Variants in EXOC4 observed in about 807,000 individuals in gnomAD.
EXOC4 encodes the protein exocyst complex component 4, also known as SEC8-like 1.
A neutral mutation model predicts 107.2 loss-of-function variants in EXOC4; 71 were observed. That is an observed-to-expected ratio of 0.66 (90% CI 0.55 to 0.81). The LOEUF is 0.81. Ranked by LOEUF, EXOC4 falls within the 30% of genes least tolerant of loss-of-function variation. The pLI, the probability that EXOC4 is intolerant of heterozygous loss-of-function variation, is 0.00. For synonymous variants in EXOC4, 456 were observed against 441.2 expected (o/e 1.03, Z -0.42); for missense variants, 1,108 against 1,189.6 (o/e 0.93, Z 1.01).
At chr7:134,095,246 G>A in the EXOC4 span, among the ~76,000 whole-genome samples, 5 of 151,782 alleles carry the variant, frequency 3.3e-5, no homozygotes, top group Non-Finnish European at 2.9e-5. Flanking sequence ...AAAAATCCTA[G>A]GAATACGTAT....
intron 10 of EXOC4, among the ~76,000 whole-genome samples, chr7:133,683,534 TA>T (rs1794231611): frequency 6.6e-6 from 1 of 152,138 alleles, no homozygotes; most frequent in Non-Finnish European, 1.5e-5. Context: ...CAAATGAAAA[TA>T]TACTGTGATA....
Position 133,903,511 on chromosome 7 carries a change from G to A in EXOC4, c.1871+7776G>A, listed in dbSNP as rs147774388. 4.6e-3 allele frequency among the ~76,000 whole-genome samples: 700 copies of A among 152,278 alleles called. 2 individuals are homozygous for A. The highest frequency in any genetic ancestry group is 7.5e-3 in the Non-Finnish European group (507 of 68,032). On this transcript the variant is annotated intron_variant, in intron 12 of 17. Coordinates refer to ENST00000253861, the MANE Select transcript of EXOC4 (RefSeq NM_021807.4). Reference sequence around the variant, plus strand: ...AAGATAGGGTGTGAGAGAAAGAAAGGTGTCAAAAATAACTCTCAGGATTTT... The same window carrying A: ...AAGATAGGGTGTGAGAGAAAGAAAGATGTCAAAAATAACTCTCAGGATTTT...
the EXOC4 span, among the ~76,000 whole-genome samples, chr7:134,099,617 C>T: frequency 3.3e-5 from 5 of 150,812 alleles, no homozygotes; most frequent in South Asian, 1.1e-3. Flanking sequence ...GCAGGCTCCG[C>T]CCCCCGGGGT....
intron 9 of EXOC4, among the ~76,000 whole-genome samples, chr7:133,585,432 G>C (rs776429711): frequency 1.8e-4 from 27 of 152,074 alleles, no homozygotes; most frequent in African/African-American, 6.0e-4. Flanking sequence ...ATTACTCTGG[G>C]CAGTGGTGAT....
At chr7:133,621,831 GC>G (rs1383507310) in intron 9 of EXOC4, among the ~76,000 whole-genome samples, 5 of 152,206 alleles carry the variant, frequency 3.3e-5, no homozygotes, top group Non-Finnish European at 7.3e-5. Context: ...TCAAACCATA[GC>G]TTTTTTCTGT....
At chr7:133,529,100 C>G (rs945555213) in intron 9 of EXOC4, among the ~76,000 whole-genome samples, 1 of 152,122 alleles carries the variant, frequency 6.6e-6, no homozygotes, top group Non-Finnish European at 1.5e-5. Flanking sequence ...TCGTTACCAC[C>G]TAGTGTTCTC....
intron 11 of EXOC4, among the ~76,000 whole-genome samples, chr7:133,873,114 G>A (rs1273038854): frequency 6.6e-6 from 1 of 152,206 alleles, no homozygotes; most frequent in Non-Finnish European, 1.5e-5. Flanking sequence ...TTTGAGATCA[G>A]CCTGGGCAAC....
intron 5 of EXOC4, among the ~76,000 whole-genome samples, chr7:133,340,374 T>C (rs1272290214): frequency 6.6e-6 from 1 of 152,138 alleles, no homozygotes; most frequent in Non-Finnish European, 1.5e-5. Flanking sequence ...TTGATCACGC[T>C]GGATTATCTT....
chr7:133,517,977 T>C (rs1382652412), intron 9 of EXOC4, among the ~76,000 whole-genome samples: 1 of 151,914 alleles, frequency 6.6e-6, no homozygotes, highest in Non-Finnish European at 1.5e-5. Flanking sequence ...GTAGTTCTTA[T>C]GATTTGGACT....
At chr7:133,630,770 A>C in intron 10 of EXOC4, among the ~76,000 whole-genome samples, 1 of 152,326 alleles carries the variant, frequency 6.6e-6, no homozygotes, top group Middle Eastern at 3.4e-3. Context: ...GTTTTTATAT[A>C]TTGAATGATA....
intron 14 of EXOC4, among the ~76,000 whole-genome samples, chr7:133,964,406 G>A (rs147860004): frequency 0.012 from 1,808 of 152,014 alleles, 48 homozygotes; most frequent in African/African-American, 0.041. Context: ...GTATACACGG[G>A]CCATGGTGGT....
At chr7:133,354,634 C>G (rs1795984575) in intron 5 of EXOC4, among the ~76,000 whole-genome samples, 1 of 152,082 alleles carries the variant, frequency 6.6e-6, no homozygotes, top group African/African-American at 2.4e-5. Flanking sequence ...TGTCACGTGC[C>G]TCTTTGTACC....
intron 9 of EXOC4, among the ~76,000 whole-genome samples, chr7:133,519,520 A>G (rs960599085): frequency 6.6e-6 from 1 of 152,180 alleles, no homozygotes; most frequent in African/African-American, 2.4e-5. Flanking sequence ...AAATTTAAAC[A>G]CTACAGCCTC....
At chr7:133,744,135 CAA>C (rs113003258) in intron 10 of EXOC4, among the ~76,000 whole-genome samples, 8 of 130,864 alleles carry the variant, frequency 6.1e-5, no homozygotes, top group Admixed American at 1.5e-4. Flanking sequence ...TTCCTGGAGG[CAA>C]AAAAAAAAAA....
chr7:133,392,542 T>C (rs1796876671), intron 7 of EXOC4, among the ~76,000 whole-genome samples: 1 of 151,936 alleles, frequency 6.6e-6, no homozygotes, highest in Non-Finnish European at 1.5e-5. Flanking sequence ...TCTTTGGGAG[T>C]GAATGATGGT....
chr7:133,421,967 T>C (rs1797617380), intron 7 of EXOC4, among the ~76,000 whole-genome samples: 1 of 152,194 alleles, frequency 6.6e-6, no homozygotes, highest in Non-Finnish European at 1.5e-5. Flanking sequence ...TTTAAATGAC[T>C]ACCTATAATA....
intron 14 of EXOC4, among the ~76,000 whole-genome samples, chr7:133,986,469 A>G (rs1794115875): frequency 1.3e-5 from 2 of 152,208 alleles, no homozygotes; most frequent in South Asian, 4.1e-4. Context: ...TAGCTTTGGA[A>G]AAAGGGACTC....
intron 5 of EXOC4, among the ~76,000 whole-genome samples, chr7:133,350,842 A>G (rs1046906599): frequency 2.0e-5 from 3 of 149,954 alleles, no homozygotes; most frequent in Non-Finnish European, 4.4e-5. Context: ...GTTTCCATTC[A>G]TTTATTTGTT....
intron 5 of EXOC4, among the ~76,000 whole-genome samples, chr7:133,344,530 G>C (rs188104884): frequency 6.6e-6 from 1 of 152,246 alleles, no homozygotes; most frequent in East Asian, 1.9e-4. Context: ...CTGAATTTTA[G>C]CTGTCTTGTC....
Sources: gnomAD v4.1 joint callset for allele counts (sites outside exome capture counted in the v4.1 genomes callset) on GRCh38, gnomAD v4.1.1 for gene constraint, MANE v1.5 for transcripts, NCBI Gene and HGNC (gene_info 2026-07-23, HGNC 2026-07-21) for gene names.